Variants in SLC30A8 observed in about 807,000 individuals in gnomAD.
SLC30A8 encodes solute carrier family 30 member 8.
SLC30A8 carries 27 observed loss-of-function variants against 36.9 expected under a neutral mutation model. The ratio of observed to expected loss-of-function variants is 0.73; its 90% CI spans 0.54 to 1.01. The LOEUF (loss-of-function observed/expected upper bound fraction) is 1.01, where lower values mean the gene tolerates loss of function less well. SLC30A8 is among the 50% of genes least tolerant of loss of function. The pLI is 0.00. For missense variants in SLC30A8, 439 were observed against 452.0 expected (o/e 0.97, Z 0.26); for synonymous variants, 164 against 172.4 (o/e 0.95, Z 0.38).
chr8:117,131,662 C>A (rs575102444), upstream of SLC30A8, among the ~76,000 whole-genome samples: 10 of 152,104 alleles, frequency 6.6e-5, no homozygotes, highest in South Asian at 6.2e-4. Flanking sequence ...GCTTCATTCA[C>A]AGGTAATTCT....
chr8:117,088,156 G>A (rs553157748), intron 2 of SLC30A8, among the ~76,000 whole-genome samples: 1 of 152,222 alleles, frequency 6.6e-6, no homozygotes, highest in African/African-American at 2.4e-5. Context: ...AGCCAAGAAA[G>A]AACTTGGACA....
upstream of SLC30A8, among the ~76,000 whole-genome samples, chr8:117,132,349 G>A (rs1214991019): frequency 6.6e-6 from 1 of 152,026 alleles, no homozygotes; most frequent in Non-Finnish European, 1.5e-5. Flanking sequence ...CAACAGCTAG[G>A]ACTGAAGAGC....
At chr8:117,011,991 C>T (rs116477640) in intron 1 of SLC30A8, among the ~76,000 whole-genome samples, 2,194 of 152,150 alleles carry the variant, frequency 0.014, 58 homozygotes, top group African/African-American at 0.05. Flanking sequence ...ATACTGATTT[C>T]GAGCTCCTTG....
At chr8:116,971,279 ATGTT>A (rs1258801359) in intron 1 of SLC30A8, among the ~76,000 whole-genome samples, 1 of 152,006 alleles carries the variant, frequency 6.6e-6, no homozygotes, top group African/African-American at 2.4e-5. Context: ...TAAAATAGTA[ATGTT>A]ATAGAGGCAT....
intron 2 of SLC30A8, among the ~76,000 whole-genome samples, chr8:117,050,561 G>A (rs1817676865): frequency 1.3e-5 from 2 of 151,910 alleles, no homozygotes; most frequent in African/African-American, 2.4e-5. Context: ...GAGCACCACC[G>A]CGCTTGGCTA....
chr8:116,958,606 A>C (rs941896352), intron 1 of SLC30A8, among the ~76,000 whole-genome samples: 3 of 151,422 alleles, frequency 2.0e-5, no homozygotes, highest in Non-Finnish European at 4.4e-5. Flanking sequence ...TCTTTTTATT[A>C]CTGGTCTTTA....
intron 2 of SLC30A8, among the ~76,000 whole-genome samples, chr8:117,094,256 T>C (rs1358530880): frequency 2.0e-5 from 3 of 152,210 alleles, no homozygotes; most frequent in Admixed American, 2.0e-4. Flanking sequence ...ATTTGGCAGG[T>C]CCCGAGTTCT....
Position 117,002,628 on chromosome 8 carries a change from C to T in SLC30A8, c.-265-36591C>T, listed in dbSNP as rs140054527. Among the ~76,000 whole-genome samples, 661 of 152,004 alleles carry T rather than the reference C, an allele frequency of 4.3e-3. 9 individuals are homozygous for T. Among genetic ancestry groups the T allele is most frequent in the African/African-American group, 0.015 (624 of 41,462 alleles). Reference sequence around the variant, plus strand: ...TGTTTTTGTTTTTGTTTTTTTGAAACGGAGTCTTGCTCTGTCACCAGGCTG... The same window carrying T: ...TGTTTTTGTTTTTGTTTTTTTGAAATGGAGTCTTGCTCTGTCACCAGGCTG... On this transcript the variant is annotated intron_variant, in intron 1 of 10. Transcript: ENST00000427715.
chr8:117,115,992 G>A (rs948110137), intron 2 of SLC30A8, among the ~76,000 whole-genome samples: 1 of 152,076 alleles, frequency 6.6e-6, no homozygotes, highest in African/African-American at 2.4e-5. Flanking sequence ...TATATTATGA[G>A]TGGCTTAAGG....
chr8:117,045,910 G>C (rs1452613754), intron 2 of SLC30A8, among the ~76,000 whole-genome samples: 2 of 151,802 alleles, frequency 1.3e-5, no homozygotes, highest in Non-Finnish European at 2.9e-5. Flanking sequence ...GGAGAGCCTG[G>C]GCAGACTGTT....
intron 2 of SLC30A8, among the ~76,000 whole-genome samples, chr8:117,104,435 G>C (rs1289716388): frequency 2.0e-5 from 3 of 152,130 alleles, no homozygotes; most frequent in East Asian, 3.9e-4. Context: ...GTTTTCAGTA[G>C]CATGTCCCTC....
intron 2 of SLC30A8, among the ~76,000 whole-genome samples, chr8:117,045,370 A>G (rs532598962): frequency 1.5e-3 from 235 of 152,234 alleles, no homozygotes; most frequent in Admixed American, 2.9e-3. Flanking sequence ...TGATCCAACA[A>G]ATTACCTTTT....
intron 1 of SLC30A8, among the ~76,000 whole-genome samples, chr8:117,003,139 A>G (rs1227787972): frequency 2.0e-5 from 3 of 152,222 alleles, no homozygotes; most frequent in Non-Finnish European, 4.4e-5. Flanking sequence ...GCTGCTGAGT[A>G]TAAAATTCAA....
chr8:117,174,663 A>ATAAT lies in SLC30A8; in HGVS notation c.*1984_*1987dup, dbSNP rs1396925320. ...ACTTGGCAAACACACAAGTGTTAGT[A>ATAAT]TAATTCTTTGCTTCTGCTTCTTTTT... On this transcript the variant is annotated 3_prime_UTR_variant, in exon 8 of 8. Transcript: ENST00000456015. The ATAAT allele has an allele frequency of 2.0e-5, 3 of 152,696 alleles. No homozygotes were observed. The highest frequency in any genetic ancestry group is 2.1e-4 in the South Asian group (1 of 4,832). The allele number at this position is 152,696 out of a possible 1,614,324, so 9.5% of individuals were successfully genotyped here. A position where few individuals can be genotyped will look rare whatever the true frequency, so the allele number is the denominator to read the frequency against.
chr8:116,979,238 CAAAAAAAAA>C (rs67998633), intron 1 of SLC30A8, among the ~76,000 whole-genome samples: 3 of 64,306 alleles, frequency 4.7e-5, no homozygotes, highest in South Asian at 8.4e-4. Context: ...GACCCTGTCT[CAAAAAAAAA>C]AAAAAAAAAA....
At chr8:116,998,141 T>G (rs1034845380) in intron 1 of SLC30A8, among the ~76,000 whole-genome samples, 7 of 152,214 alleles carry the variant, frequency 4.6e-5, no homozygotes, top group Non-Finnish European at 7.3e-5. Context: ...GACTGATGTC[T>G]TGATGAACCC....
chr8:117,106,840 GT>G (rs1820015872), intron 2 of SLC30A8, among the ~76,000 whole-genome samples: 1 of 152,220 alleles, frequency 6.6e-6, no homozygotes, highest in Admixed American at 6.5e-5. Flanking sequence ...TCAGGAGCTA[GT>G]TGGCTTATGA....
chr8:117,020,828 T>C (rs184560529), intron 1 of SLC30A8, among the ~76,000 whole-genome samples: 36 of 152,344 alleles, frequency 2.4e-4, no homozygotes, highest in African/African-American at 8.7e-4. Flanking sequence ...CTTCTCTCTT[T>C]ATAAATATCT....
At chr8:116,986,288 G>A (rs1019311483) in intron 1 of SLC30A8, among the ~76,000 whole-genome samples, 7 of 152,148 alleles carry the variant, frequency 4.6e-5, no homozygotes, top group Non-Finnish European at 8.8e-5. Context: ...GGGGACATAA[G>A]CATTGTGTTC....
Sources: allele counts gnomAD v4.1 joint callset (sites outside exome capture counted in the v4.1 genomes callset), GRCh38; gene constraint gnomAD v4.1.1; transcripts MANE v1.5; gene names NCBI Gene and HGNC (gene_info 2026-07-23, HGNC 2026-07-21).